Variants in RELN observed in about 807,000 individuals in gnomAD.
RELN encodes reelin.
In RELN, 108 loss-of-function variants were observed where a neutral mutation model predicts 427.6. The observed-to-expected ratio is 0.25, with a 90% CI of 0.22 to 0.30. RELN has a LOEUF of 0.30. RELN is among the 10% of genes least tolerant of loss of function. The pLI is 1.00. For synonymous variants in RELN, 1,524 were observed against 1,513.4 expected (o/e 1.01, Z -0.16); for missense variants, 3,715 against 4,302.8 (o/e 0.86, Z 3.82).
chr7:103,553,321 T>G, intron 40 of RELN, 140 bp downstream of exon 40: 2 of 675,020 alleles, frequency 3.0e-6, no homozygotes, highest in Non-Finnish European at 5.2e-6. Flanking sequence ...TAAGAGAAAA[T>G]TATGATGCCA....
intron 1 of RELN, among the ~76,000 whole-genome samples, chr7:103,937,633 G>A (rs1019024288): frequency 2.0e-5 from 3 of 152,116 alleles, no homozygotes; most frequent in Non-Finnish European, 2.9e-5. Flanking sequence ...AAGAATAACA[G>A]GTAAAACTCA....
chr7:103,949,394 C>T (rs796876064), intron 1 of RELN, among the ~76,000 whole-genome samples: 1 of 142,380 alleles, frequency 7.0e-6, no homozygotes, highest in Non-Finnish European at 1.5e-5. Context: ...AAAAAAAAAA[C>T]AATCTTAATC....
rs140889823 is a variant in RELN at position 103,658,803 on chromosome 7, A to ATC, written c.1441+2571_1441+2572dup. 6.8e-3 allele frequency among the ~76,000 whole-genome samples: 997 copies of ATC among 145,590 alleles called. 13 individuals carry two copies. The highest frequency in any genetic ancestry group is 0.04 in the East Asian group (194 of 4,902). ...GGCCTCTCAGCCCTTATCCTGGTTG[A>ATC]TCTCTCTCTCTCTCTCTCTCTGGCA... On this transcript the variant is annotated intron_variant, in intron 12 of 64. Transcript: ENST00000428762.
chr7:103,958,497 A>G (rs4727583), intron 1 of RELN, among the ~76,000 whole-genome samples: 53,988 of 151,950 alleles, frequency 0.36, 10,107 homozygotes, highest in Non-Finnish European at 0.42. Flanking sequence ...TAGCCACTCA[A>G]TCATCTCCCA....
intron 47 of RELN, among the ~76,000 whole-genome samples, chr7:103,522,830 G>GACACACAC (rs1554369873): frequency 1.7e-3 from 7 of 4,038 alleles, no homozygotes; most frequent in African/African-American, 7.7e-3. Context: ...ATCTCACACA[G>GACACACAC]ACACACAGAC....
chr7:103,489,475 C>T (rs1265133110), intron 60 of RELN, among the ~76,000 whole-genome samples: 1 of 152,088 alleles, frequency 6.6e-6, no homozygotes, highest in Non-Finnish European at 1.5e-5. Context: ...CCTGATTTAG[C>T]ATATCTGGAT....
chr7:103,692,837 T>C (rs1239747637), intron 10 of RELN, among the ~76,000 whole-genome samples: 1 of 151,972 alleles, frequency 6.6e-6, no homozygotes. Flanking sequence ...AACTTAATGG[T>C]TCCACTAGCA....
intron 3 of RELN, among the ~76,000 whole-genome samples, chr7:103,790,185 G>T (rs150895380): frequency 6.6e-6 from 1 of 152,082 alleles, no homozygotes; most frequent in South Asian, 2.1e-4. Context: ...GGCCTGTTGT[G>T]GGGGCGGGGA....
chr7:103,905,065 C>T (rs1232771063), intron 2 of RELN, among the ~76,000 whole-genome samples: 2 of 141,142 alleles, frequency 1.4e-5, no homozygotes, highest in African/African-American at 5.2e-5. Flanking sequence ...ACTGCAACAT[C>T]TGCCTCCGGG....
intron 37 of RELN, 69 bp from the exon 38 acceptor site, chr7:103,557,228 G>A: frequency 1.6e-6 from 2 of 1,284,012 alleles, no homozygotes; most frequent in Non-Finnish European, 2.3e-6. Context: ...GTTCTTAGCT[G>A]AATCTTTAGG....
chr7:103,821,681 G>T (rs1793018921), intron 3 of RELN, among the ~76,000 whole-genome samples: 1 of 152,154 alleles, frequency 6.6e-6, no homozygotes, highest in Non-Finnish European at 1.5e-5. Context: ...AAAGGCTTAT[G>T]TGGCTTAGCT....
intron 2 of RELN, among the ~76,000 whole-genome samples, chr7:103,898,982 T>C (rs1213961847): frequency 1.3e-5 from 2 of 152,022 alleles, no homozygotes; most frequent in African/African-American, 2.4e-5. Flanking sequence ...TGGATTATTC[T>C]TTAAAACGGT....
chr7:103,659,285 G>C (rs1833088408), intron 12 of RELN, among the ~76,000 whole-genome samples: 1 of 151,804 alleles, frequency 6.6e-6, no homozygotes, highest in Non-Finnish European at 1.5e-5. Flanking sequence ...ACTCCTGCTA[G>C]AATTACTTTT....
rs539369361 is a variant in RELN, at chr7:103,743,492, A to C, written c.656+5934T>G. Reference sequence around the variant, plus strand: ...CAAATTGGATAAAGACTCAAGACCCATCAGTGTGCTGTATTCAGGAAACCC... The same window carrying C: ...CAAATTGGATAAAGACTCAAGACCCCTCAGTGTGCTGTATTCAGGAAACCC... On this transcript the variant is annotated intron_variant, in intron 6 of 64. Transcript: ENST00000428762. Among the ~76,000 whole-genome samples, 253 of 152,358 alleles carry C rather than the reference A, an allele frequency of 1.7e-3. 1 individual carries two copies. Among genetic ancestry groups the C allele is most frequent in the African/African-American group, 5.9e-3 (245 of 41,576 alleles).
intron 51 of RELN, 25 bp from the exon 52 acceptor site, chr7:103,503,255 AG>A: frequency 6.2e-7 from 1 of 1,603,724 alleles, no homozygotes; most frequent in African/African-American, 1.3e-5. Context: ...AACAAGATCA[AG>A]GTATTAAAAC....
intron 4 of RELN, among the ~76,000 whole-genome samples, chr7:103,772,984 T>C (rs1450366813): frequency 6.6e-6 from 1 of 151,948 alleles, no homozygotes; most frequent in African/African-American, 2.4e-5. Flanking sequence ...ACCATGAAAA[T>C]AGGAGCAGAA....
At chr7:103,864,238 G>C (rs1159556800) in intron 2 of RELN, among the ~76,000 whole-genome samples, 1 of 152,168 alleles carries the variant, frequency 6.6e-6, no homozygotes, top group African/African-American at 2.4e-5. Flanking sequence ...TGTCATCTCA[G>C]ACCTACATGT....
chr7:103,756,130 C>T (rs1265744672), intron 4 of RELN, among the ~76,000 whole-genome samples: 5 of 152,162 alleles, frequency 3.3e-5, no homozygotes, highest in Non-Finnish European at 5.9e-5. Context: ...GGCCTCAACT[C>T]AATAAAGGGA....
intron 11 of RELN, among the ~76,000 whole-genome samples, chr7:103,662,641 A>AG (rs1445666502): frequency 2.6e-5 from 4 of 151,756 alleles, no homozygotes; most frequent in Non-Finnish European, 5.9e-5. Flanking sequence ...AAAAAAAAAA[A>AG]AAAAGAAACG....
Sources: allele counts gnomAD v4.1 joint callset (sites outside exome capture counted in the v4.1 genomes callset), GRCh38; gene constraint gnomAD v4.1.1; transcripts MANE v1.5; gene names NCBI Gene and HGNC (gene_info 2026-07-23, HGNC 2026-07-21).